DTNBP1: variants seen among roughly 807,000 people sequenced by gnomAD.
DTNBP1 encodes the protein dystrobrevin binding protein 1.
A neutral mutation model predicts 42.8 loss-of-function variants in DTNBP1; 35 were observed. The observed-to-expected ratio is 0.82, with a 90% CI of 0.63 to 1.09. DTNBP1 has a LOEUF of 1.09. DTNBP1 is among the 50% of genes least tolerant of loss of function. The pLI, the probability that DTNBP1 is intolerant of heterozygous loss-of-function variation, is 0.00. For synonymous variants in DTNBP1, 171 were observed against 162.2 expected, an observed-to-expected ratio of 1.05 and a Z score of -0.41; for missense variants, 457 against 424.2, an observed-to-expected ratio of 1.08 and a Z score of -0.68.
chr6:15,601,496 T>C (rs1776725855), intron 6 of DTNBP1, among the ~76,000 whole-genome samples: 1 of 152,204 alleles, frequency 6.6e-6, no homozygotes, highest in Admixed American at 6.5e-5. Flanking sequence ...TCTACCTGAA[T>C]TAATCCTTAA....
chr6:15,626,273 G>A (rs1759340487), intron 5 of DTNBP1, among the ~76,000 whole-genome samples: 1 of 152,200 alleles, frequency 6.6e-6, no homozygotes, highest in African/African-American at 2.4e-5. Flanking sequence ...ATTACAGATA[G>A]TATCTGTAAA....
chr6:15,610,412 T>G (rs1026437950), intron 6 of DTNBP1, among the ~76,000 whole-genome samples: 1 of 152,164 alleles, frequency 6.6e-6, no homozygotes, highest in African/African-American at 2.4e-5. Context: ...TGAGACCCAA[T>G]AATATTGAAA....
chr6:15,657,214 A>G (rs573422386), intron 1 of DTNBP1, among the ~76,000 whole-genome samples: 4 of 152,298 alleles, frequency 2.6e-5, no homozygotes, highest in Non-Finnish European at 4.4e-5. Context: ...CTCACTTCTC[A>G]CCTGAGCGCA....
intron 4 of DTNBP1, among the ~76,000 whole-genome samples, chr6:15,628,499 A>G (rs1413665023): frequency 2.2e-5 from 3 of 134,110 alleles, no homozygotes; most frequent in Non-Finnish European, 4.6e-5. Flanking sequence ...TCCGCCTCCC[A>G]GGTTCATGCG....
chr6:15,548,930 T>C (rs1774048093), intron 7 of DTNBP1, among the ~76,000 whole-genome samples: 1 of 152,216 alleles, frequency 6.6e-6, no homozygotes, highest in Non-Finnish European at 1.5e-5. Context: ...AAGTTTTCAT[T>C]AATTATTAAA....
intron 7 of DTNBP1, among the ~76,000 whole-genome samples, chr6:15,564,769 TAA>T (rs1774996448): frequency 6.6e-6 from 1 of 151,480 alleles, no homozygotes. Flanking sequence ...AAATGGCTAA[TAA>T]ACACATTAAA....
At chr6:15,571,403 C>T (rs1370036949) in intron 7 of DTNBP1, among the ~76,000 whole-genome samples, 1 of 152,234 alleles carries the variant, frequency 6.6e-6, no homozygotes, top group Non-Finnish European at 1.5e-5. Flanking sequence ...TTAAACCTCA[C>T]ATTAATCTCT....
At chr6:15,599,865 G>C (rs1283996944) in intron 6 of DTNBP1, among the ~76,000 whole-genome samples, 1 of 152,018 alleles carries the variant, frequency 6.6e-6, no homozygotes, top group Non-Finnish European at 1.5e-5. Context: ...TTGTGTTACT[G>C]ATTTTTTTAT....
At chr6:15,545,751 A>G (rs964981525) in intron 7 of DTNBP1, among the ~76,000 whole-genome samples, 1 of 152,230 alleles carries the variant, frequency 6.6e-6, no homozygotes, top group Non-Finnish European at 1.5e-5. Flanking sequence ...GTATTCTGGA[A>G]CAGTTTTCGA....
chr6:15,603,786 AC>A (rs1162172666), intron 6 of DTNBP1, among the ~76,000 whole-genome samples: 1 of 152,118 alleles, frequency 6.6e-6, no homozygotes. Context: ...ACTTCCCAAT[AC>A]CTCAGTAATT....
chr6:15,600,767 G>A (rs1165200422), intron 6 of DTNBP1, among the ~76,000 whole-genome samples: 1 of 152,208 alleles, frequency 6.6e-6, no homozygotes, highest in Non-Finnish European at 1.5e-5. Flanking sequence ...TTGTGGCCTG[G>A]ATAAATCTGT....
intron 8 of DTNBP1, among the ~76,000 whole-genome samples, chr6:15,529,068 C>T (rs962350181): frequency 3.9e-5 from 6 of 152,142 alleles, no homozygotes; most frequent in Admixed American, 6.5e-5. Context: ...GAGGATCACT[C>T]GGGCCAAGGA....
At chr6:15,625,539 T>C (rs917736815) in intron 5 of DTNBP1, among the ~76,000 whole-genome samples, 1 of 152,184 alleles carries the variant, frequency 6.6e-6, no homozygotes, top group Non-Finnish European at 1.5e-5. Flanking sequence ...TCACTAAACA[T>C]CAAACATTTT....
intron 3 of DTNBP1, among the ~76,000 whole-genome samples, chr6:15,644,308 G>A (rs1044012632): frequency 1.5e-4 from 23 of 151,802 alleles, no homozygotes; most frequent in African/African-American, 5.1e-4. Flanking sequence ...TACTAGAACC[G>A]AAAAAGAGAG....
intron 4 of DTNBP1, among the ~76,000 whole-genome samples, chr6:15,633,598 G>C (rs1423871125): frequency 6.6e-6 from 1 of 152,206 alleles, no homozygotes; most frequent in Non-Finnish European, 1.5e-5. Flanking sequence ...ATGAGGAGTT[G>C]ATTGACTCCA....
At chr6:15,622,275 T>C (rs1177704657) in intron 5 of DTNBP1, among the ~76,000 whole-genome samples, 2 of 152,174 alleles carry the variant, frequency 1.3e-5, no homozygotes, top group Non-Finnish European at 2.9e-5. Flanking sequence ...CAGGTCACAT[T>C]ATCAGTGACT....
intron 7 of DTNBP1, among the ~76,000 whole-genome samples, chr6:15,567,454 C>T (rs955125601): frequency 2.8e-5 from 3 of 107,180 alleles, no homozygotes; most frequent in African/African-American, 1.0e-4. Flanking sequence ...TTCTGTCTCT[C>T]GGGAAACAAA....
At chr6:15,628,398 C>CTTTTTTT (rs70996561) in intron 4 of DTNBP1, among the ~76,000 whole-genome samples, 20 of 77,076 alleles carry the variant, frequency 2.6e-4, no homozygotes, top group East Asian at 3.6e-4. Context: ...GATTAAGGTT[C>CTTTTTTT]TTTTTTTTTT....
intron 7 of DTNBP1, among the ~76,000 whole-genome samples, chr6:15,570,912 C>T (rs897408268): frequency 6.6e-6 from 1 of 152,138 alleles, no homozygotes; most frequent in African/African-American, 2.4e-5. Context: ...CTAGGTATTA[C>T]AGAAATATAA....
Sources: allele counts gnomAD v4.1 joint callset (sites outside exome capture counted in the v4.1 genomes callset), GRCh38; gene constraint gnomAD v4.1.1; transcripts MANE v1.5; gene names NCBI Gene and HGNC (gene_info 2026-07-23, HGNC 2026-07-21).